The following KDM4C variants were observed in gnomAD, a reference collection of about 807,000 sequenced individuals.
KDM4C encodes the protein lysine-specific demethylase 4C.
A neutral mutation model predicts 129.3 loss-of-function variants in KDM4C; 81 were observed. That is an observed-to-expected ratio of 0.63 (90% CI 0.52 to 0.75). KDM4C has a LOEUF of 0.75. KDM4C is among the 30% of genes least tolerant of loss of function. KDM4C has a pLI of 0.00. For synonymous variants in KDM4C, 573 were observed against 456.1 expected (o/e 1.26, Z -3.26); for missense variants, 1,457 against 1,304.0 (o/e 1.12, Z -1.81).
At chr9:6,915,572 G>C (rs144633804) in intron 8 of KDM4C, among the ~76,000 whole-genome samples, 26 of 152,234 alleles carry the variant, frequency 1.7e-4, no homozygotes, top group African/African-American at 6.0e-4. Flanking sequence ...GGCAAAATTT[G>C]ATTATTTTTA....
chr9:7,033,755 T>G (rs1827175061), intron 15 of KDM4C, among the ~76,000 whole-genome samples: 1 of 152,218 alleles, frequency 6.6e-6, no homozygotes, highest in Non-Finnish European at 1.5e-5. Flanking sequence ...TGAGAACAAA[T>G]GCCTCATTAA....
intron 17 of KDM4C, among the ~76,000 whole-genome samples, chr9:7,093,737 G>A (rs1403296529): frequency 6.6e-6 from 1 of 152,172 alleles, no homozygotes; most frequent in Non-Finnish European, 1.5e-5. Flanking sequence ...ACATCAGTTT[G>A]TACTATAGCA....
At chr9:7,003,798 A>C (rs931981784) in intron 12 of KDM4C, among the ~76,000 whole-genome samples, 2 of 152,160 alleles carry the variant, frequency 1.3e-5, no homozygotes, top group African/African-American at 4.8e-5. Context: ...TCAGCATTTC[A>C]AAAAAATCAC....
At chr9:6,950,871 T>C (rs773745744) in intron 8 of KDM4C, among the ~76,000 whole-genome samples, 7 of 152,198 alleles carry the variant, frequency 4.6e-5, no homozygotes, top group Admixed American at 2.0e-4. Flanking sequence ...AGTTAAAATC[T>C]CAGATCCTTA....
At chr9:7,073,321 G>A (rs541927132) in intron 17 of KDM4C, among the ~76,000 whole-genome samples, 1 of 152,320 alleles carries the variant, frequency 6.6e-6, no homozygotes, top group South Asian at 2.1e-4. Flanking sequence ...TGAGATATAT[G>A]CGATGTTAGC....
At chr9:7,114,858 C>T (rs1838720806) in intron 18 of KDM4C, among the ~76,000 whole-genome samples, 1 of 152,124 alleles carries the variant, frequency 6.6e-6, no homozygotes, top group Non-Finnish European at 1.5e-5. Context: ...GTAGTCCCAG[C>T]ACTTTGGGAG....
At chr9:6,726,403 T>G (rs1439383084) in intron 1 of KDM4C, 1 of 152,280 alleles carries the variant, frequency 6.6e-6, no homozygotes, top group Admixed American at 6.5e-5. Context: ...AGTCCCACTG[T>G]CAGCAAGTTC....
intron 4 of KDM4C, among the ~76,000 whole-genome samples, chr9:6,828,020 C>T (rs1834170527): frequency 6.6e-6 from 1 of 152,184 alleles, no homozygotes; most frequent in African/African-American, 2.4e-5. Flanking sequence ...GCCAGAGCAG[C>T]ACAGCTGGGA....
intron 8 of KDM4C, among the ~76,000 whole-genome samples, chr9:6,955,831 C>T (rs993304181): frequency 3.3e-5 from 5 of 152,084 alleles, no homozygotes; most frequent in African/African-American, 9.7e-5. Context: ...AGTCACTAAC[C>T]GCAGATGGAA....
At chr9:6,836,574 G>A (rs1835923397) in intron 4 of KDM4C, among the ~76,000 whole-genome samples, 1 of 152,062 alleles carries the variant, frequency 6.6e-6, no homozygotes, top group South Asian at 2.1e-4. Context: ...TCACTCTGGG[G>A]TGGCCTGAAT....
intron 8 of KDM4C, among the ~76,000 whole-genome samples, chr9:6,955,980 G>T (rs1828996049): frequency 6.6e-6 from 1 of 152,160 alleles, no homozygotes; most frequent in South Asian, 2.1e-4. Flanking sequence ...CTCATTTCCA[G>T]AGTGTGTTTT....
intron 8 of KDM4C, among the ~76,000 whole-genome samples, chr9:6,897,813 G>A (rs2130940134): frequency 6.6e-6 from 1 of 152,340 alleles, no homozygotes; most frequent in South Asian, 2.1e-4. Flanking sequence ...AGCTTTGAAT[G>A]TTGGCATAAC....
chr9:6,906,145 T>C (rs1014878315), intron 8 of KDM4C, among the ~76,000 whole-genome samples: 6 of 152,202 alleles, frequency 3.9e-5, no homozygotes, highest in African/African-American at 1.4e-4. Context: ...AGTTTAGTTG[T>C]AGATTAACAT....
At chr9:6,954,450 G>C (rs1828715887) in intron 8 of KDM4C, among the ~76,000 whole-genome samples, 1 of 152,066 alleles carries the variant, frequency 6.6e-6, no homozygotes, top group Non-Finnish European at 1.5e-5. Flanking sequence ...GGATTTTATT[G>C]ACAATGAACT....
At chr9:6,999,985 A>G (rs1024862505) in intron 12 of KDM4C, among the ~76,000 whole-genome samples, 24 of 152,246 alleles carry the variant, frequency 1.6e-4, no homozygotes, top group African/African-American at 5.5e-4. Context: ...TTTAAGCAAT[A>G]AAACAGCAAA....
chr9:6,938,429 C>G (rs953838208), intron 8 of KDM4C, among the ~76,000 whole-genome samples: 1 of 152,112 alleles, frequency 6.6e-6, no homozygotes, highest in Non-Finnish European at 1.5e-5. Context: ...TATTTTGCTC[C>G]TACTGTCCAA....
chr9:6,737,497 C>T (rs1817560373), intron 1 of KDM4C, among the ~76,000 whole-genome samples: 1 of 1,472 alleles, frequency 6.8e-4, no homozygotes, highest in African/African-American at 1.3e-3. Flanking sequence ...CCCATCTCTA[C>T]TAAAAAAAAT....
intron 17 of KDM4C, among the ~76,000 whole-genome samples, chr9:7,057,877 G>C (rs1421657812): frequency 1.3e-5 from 2 of 152,214 alleles, no homozygotes; most frequent in Non-Finnish European, 1.5e-5. Context: ...CAGAAGTTCA[G>C]AGATACAGCT....
chr9:6,793,124 C>G lies in KDM4C; in HGVS notation c.136C>G (p.Leu46Val), dbSNP rs1173685373. The G allele has an allele frequency of 1.2e-6, 2 of 1,613,530 alleles. No homozygotes were observed. Among genetic ancestry groups the G allele is most frequent in the East Asian group, 2.2e-5 (1 of 44,872 alleles). ...MESKGAHRAGLAKVIPPKEWK... is the reference protein window; with the variant it reads ...MESKGAHRAGVAKVIPPKEWK... ...GTCTAAAGGAGCCCATCGTGCGGGTCTTGCAAAGGTGATTATCCTTCGATG... is the reference window on the plus strand; with the variant it reads ...GTCTAAAGGAGCCCATCGTGCGGGTGTTGCAAAGGTGATTATCCTTCGATG... The change falls in exon 2 of 22, where the codon CTT becomes GTT. Residue 46 changes from leucine to valine, a missense_variant. Coordinates refer to ENST00000381309, the MANE Select transcript of KDM4C (RefSeq NM_015061.6).
Sources: gnomAD v4.1 joint callset for allele counts (sites outside exome capture counted in the v4.1 genomes callset) on GRCh38, gnomAD v4.1.1 for gene constraint, MANE v1.5 for transcripts, NCBI Gene and HGNC (gene_info 2026-07-23, HGNC 2026-07-21) for gene names.